ZNF69: variants seen among roughly 807,000 people sequenced by gnomAD.
ZNF69 encodes the protein zinc finger protein 69.
ZNF69 carries 47 observed loss-of-function variants against 50.9 expected under a neutral mutation model. The observed-to-expected ratio is 0.92, with a 90% CI of 0.73 to 1.18. The LOEUF is 1.18. Ranked by LOEUF, ZNF69 falls within the 50% of genes most tolerant of loss-of-function variation. The pLI, the probability that ZNF69 is intolerant of heterozygous loss-of-function variation, is 0.00. For synonymous variants in ZNF69, 216 were observed against 223.1 expected, an observed-to-expected ratio of 0.97 and a Z score of 0.29; for missense variants, 717 against 675.1, an observed-to-expected ratio of 1.06 and a Z score of -0.69.
the ZNF69 span, among the ~76,000 whole-genome samples, chr19:11,943,594 G>A: frequency 6.6e-6 from 1 of 152,098 alleles, no homozygotes; most frequent in African/African-American, 2.4e-5. Flanking sequence ...GATGGGTTAT[G>A]GTACACATCA....
At chr19:11,943,700 CCGAA>C in the ZNF69 span, among the ~76,000 whole-genome samples, 1 of 152,130 alleles carries the variant, frequency 6.6e-6, no homozygotes, top group East Asian at 1.9e-4. Flanking sequence ...AACTAGAAAA[CCGAA>C]AGATTGTTTT....
At chr19:11,955,756 G>A in the ZNF69 span, among the ~76,000 whole-genome samples, 1 of 152,154 alleles carries the variant, frequency 6.6e-6, no homozygotes, top group African/African-American at 2.4e-5. Context: ...AAAAATATCA[G>A]TCCTCCTTTG....
chr19:11,901,914 T>G (rs549572843), intron 1 of ZNF69, among the ~76,000 whole-genome samples: 1 of 152,278 alleles, frequency 6.6e-6, no homozygotes, highest in African/African-American at 2.4e-5. Flanking sequence ...TTCTATTGTA[T>G]TTTGCTTTTT....
the ZNF69 span, chr19:11,979,753 C>A: frequency 6.3e-7 from 1 of 1,589,292 alleles, no homozygotes; most frequent in Non-Finnish European, 8.6e-7. Context: ...CTGCCCCACA[C>A]CTTCGAATCC....
intron 1 of ZNF69, among the ~76,000 whole-genome samples, chr19:11,901,562 G>A (rs1174692610): frequency 1.3e-5 from 2 of 152,148 alleles, no homozygotes; most frequent in East Asian, 3.9e-4. Flanking sequence ...TCGGCTCACT[G>A]CAACCTCTGC....
chr19:11,948,542 A>G, the ZNF69 span: 1 of 1,610,676 alleles, frequency 6.2e-7, no homozygotes, highest in Admixed American at 1.7e-5. Flanking sequence ...AAAAATAAGA[A>G]AGCCTTCAGG....
chr19:11,890,039 G>A (rs1190390672), intron 1 of ZNF69, among the ~76,000 whole-genome samples: 2 of 152,168 alleles, frequency 1.3e-5, no homozygotes, highest in Non-Finnish European at 1.5e-5. Flanking sequence ...CCCACAGGGC[G>A]GTTTTCTCCT....
At chr19:11,978,218 A>G in the ZNF69 span, 1 of 1,614,090 alleles carries the variant, frequency 6.2e-7, no homozygotes. Context: ...AGGAGAAGAA[A>G]GCTTCTCCTG....
downstream of ZNF69, among the ~76,000 whole-genome samples, chr19:11,909,542 A>T (rs918674710): frequency 2.0e-5 from 3 of 152,228 alleles, no homozygotes; most frequent in Non-Finnish European, 4.4e-5. Context: ...GTAATCCATC[A>T]TATAAACAGA....
chr19:11,941,102 A>C, the ZNF69 span, among the ~76,000 whole-genome samples: 1 of 152,202 alleles, frequency 6.6e-6, no homozygotes, highest in Non-Finnish European at 1.5e-5. Flanking sequence ...TGAGCTAGAC[A>C]CAGGGTGCTG....
chr19:11,978,905 T>C, the ZNF69 span: 1 of 1,614,126 alleles, frequency 6.2e-7, no homozygotes, highest in Middle Eastern at 1.6e-4. Flanking sequence ...ACAGATCCTA[T>C]CTTAGACATA....
At chr19:11,900,303 G>A (rs980972025) in intron 1 of ZNF69, among the ~76,000 whole-genome samples, 15 of 151,278 alleles carry the variant, frequency 9.9e-5, no homozygotes, top group African/African-American at 1.9e-4. Context: ...CCTGTCATAT[G>A]TTTGTTTGCC....
At chr19:11,937,490 C>CTTTTTTTT in the ZNF69 span, among the ~76,000 whole-genome samples, 2 of 129,010 alleles carry the variant, frequency 1.6e-5, no homozygotes, top group South Asian at 2.4e-4. Flanking sequence ...TTTTTCTTTC[C>CTTTTTTTT]TTTTTTTTTT....
At chr19:11,967,823 C>T in the ZNF69 span, among the ~76,000 whole-genome samples, 2 of 152,228 alleles carry the variant, frequency 1.3e-5, no homozygotes, top group African/African-American at 2.4e-5. Flanking sequence ...ATGTAGGGGT[C>T]TTGTCTATGT....
the ZNF69 span, among the ~76,000 whole-genome samples, chr19:11,959,676 A>G: frequency 1.3e-5 from 2 of 152,174 alleles, no homozygotes; most frequent in Admixed American, 6.5e-5. Context: ...GTTCAAGTCT[A>G]TCTTTTGATC....
At position 11,903,555 on chromosome 19, in the gene ZNF69, A is replaced by G; in HGVS notation, c.64-18A>G. 6.2e-7 allele frequency: 1 copy of G among 1,613,692 alleles called. No individual in the cohort carries two copies. The highest frequency in any genetic ancestry group is 8.5e-7 in the Non-Finnish European group (1 of 1,179,890). On this transcript the variant is annotated intron_variant, in intron 1 of 3. Transcript: ENST00000429654. ...GTCACTCTCACCCATCCTCCTCTAC[A>G]CATGTGAGATGTTTCAGGACCCAGT...
At chr19:11,950,266 TA>T in the ZNF69 span, 10 of 1,600,898 alleles carry the variant, frequency 6.2e-6, no homozygotes, top group Non-Finnish European at 8.5e-6. Flanking sequence ...TGGTTCCTTT[TA>T]TGGACATGAA....
chr19:11,925,084 C>T, the ZNF69 span: 1 of 1,069,796 alleles, frequency 9.3e-7, no homozygotes, highest in Non-Finnish European at 1.4e-6. Context: ...CACAGTTCAT[C>T]CGGAAATGGA....
At chr19:11,978,274 G>A in the ZNF69 span, 19 of 1,613,938 alleles carry the variant, frequency 1.2e-5, no homozygotes, top group African/African-American at 2.0e-4. Flanking sequence ...GTTGGCATAG[G>A]TAACTCATCT....
Sources: allele counts gnomAD v4.1 joint callset (sites outside exome capture counted in the v4.1 genomes callset), GRCh38; gene constraint gnomAD v4.1.1; transcripts MANE v1.5; gene names NCBI Gene and HGNC (gene_info 2026-07-23, HGNC 2026-07-21).